Variants in CACNA1A observed in about 807,000 individuals in gnomAD.
CACNA1A encodes the protein calcium voltage-gated channel subunit alpha1 A, also known as voltage-dependent P/Q-type calcium channel subunit alpha-1A.
CACNA1A carries 57 observed loss-of-function variants against 262.4 expected under a neutral mutation model. That is an observed-to-expected ratio of 0.22 (90% CI 0.18 to 0.27). The LOEUF (loss-of-function observed/expected upper bound fraction) is 0.27. Among genes scored for constraint, CACNA1A ranks in the 10% least tolerant of loss-of-function variants. CACNA1A has a pLI of 1.00. For synonymous variants in CACNA1A, 1,431 were observed against 1,419.3 expected (o/e 1.01, Z -0.18); for missense variants, 2,526 against 3,562.8 (o/e 0.71, Z 7.41).
intron 8 of CACNA1A, 61 bp from the exon 9 acceptor site, chr19:13,332,986 C>T (rs1051477561): frequency 2.2e-6 from 3 of 1,362,940 alleles, no homozygotes; most frequent in Middle Eastern, 1.8e-4. Flanking sequence ...TCCCTTGGAC[C>T]AGGAAGAAGG....
At chr19:13,412,447 TTATAA>T (rs1458390489) in intron 3 of CACNA1A, among the ~76,000 whole-genome samples, 2 of 151,914 alleles carry the variant, frequency 1.3e-5, no homozygotes, top group African/African-American at 4.8e-5. Flanking sequence ...TGGGAACTCT[TTATAA>T]TATATTTATA....
chr19:13,496,290 C>T lies in CACNA1A; in HGVS notation c.293+9642G>A, dbSNP rs551583437. Among the ~76,000 whole-genome samples the T allele has an allele frequency of 7.6e-4, 116 of 152,314 alleles. 1 individual carries two copies. The highest frequency in any genetic ancestry group is 1.9e-3 in the South Asian group (9 of 4,818). The stretch of plus-strand genomic sequence containing the variant: ...CATTCCAATTTGTGTAAGACCCAAA[C>T]ACTCCATGTCCTTGTAAGGCCCTCA... On this transcript the variant is annotated intron_variant, in intron 1 of 46. Transcript: ENST00000360228.
Position 13,498,857 on chromosome 19 carries a change from G to A in CACNA1A, c.293+7075C>T, listed in dbSNP as rs144350819. On this transcript the variant is annotated intron_variant, in intron 1 of 46. Transcript: ENST00000360228. ...GTGACCAGCGTCCCAGTTTGCCCAGGACTGTGAGTTTCCAGAGATGCTAAA... is the reference window on the plus strand; with the variant it reads ...GTGACCAGCGTCCCAGTTTGCCCAGAACTGTGAGTTTCCAGAGATGCTAAA... 7.9e-3 allele frequency among the ~76,000 whole-genome samples: 1,196 copies of A among 152,200 alleles called. 9 individuals carry two copies. The highest frequency in any genetic ancestry group is 0.024 in the Middle Eastern group (7 of 294).
intron 29 of CACNA1A, 59 bp from the exon 30 acceptor site, chr19:13,253,160 G>A (rs200729286): frequency 7.2e-5 from 78 of 1,085,554 alleles, no homozygotes; most frequent in Non-Finnish European, 1.0e-4. Flanking sequence ...AGTGGGAAGT[G>A]GGGAGGCAGC....
chr19:13,432,563 G>A (rs916428163), intron 3 of CACNA1A, among the ~76,000 whole-genome samples: 2 of 152,052 alleles, frequency 1.3e-5, no homozygotes, highest in African/African-American at 4.8e-5. Context: ...AGGATACAAA[G>A]TTTCAGTCAG....
At chr19:13,474,673 C>T (rs912406595) in intron 1 of CACNA1A, among the ~76,000 whole-genome samples, 9 of 152,000 alleles carry the variant, frequency 5.9e-5, no homozygotes, top group South Asian at 2.1e-4. Flanking sequence ...AAAAATTAGC[C>T]GGGAGTGGTG....
intron 30 of CACNA1A, chr19:13,252,407 T>TG (rs2056425180): frequency 6.6e-6 from 1 of 151,854 alleles, no homozygotes; most frequent in East Asian, 1.9e-4. Context: ...TTCTTTTTTT[T>TG]GAGACAGAGT....
At chr19:13,386,465 C>T (rs777263148) in intron 3 of CACNA1A, among the ~76,000 whole-genome samples, 1 of 152,026 alleles carries the variant, frequency 6.6e-6, no homozygotes, top group Admixed American at 6.6e-5. Flanking sequence ...TGTCTGTCTA[C>T]GTGGATGGCT....
intron 3 of CACNA1A, among the ~76,000 whole-genome samples, chr19:13,443,325 G>A (rs962329657): frequency 6.6e-6 from 1 of 151,620 alleles, no homozygotes; most frequent in East Asian, 1.9e-4. Flanking sequence ...ATTTAACCTT[G>A]AGAGTTGAAA....
At chr19:13,494,805 T>C (rs573750999) in intron 1 of CACNA1A, among the ~76,000 whole-genome samples, 1 of 152,148 alleles carries the variant, frequency 6.6e-6, no homozygotes, top group East Asian at 1.9e-4. Context: ...CCATCAGATC[T>C]CATGAGAACT....
At chr19:13,449,410 G>A (rs149994898) in intron 3 of CACNA1A, among the ~76,000 whole-genome samples, 78 of 151,948 alleles carry the variant, frequency 5.1e-4, no homozygotes, top group African/African-American at 1.8e-3. Context: ...TGATCCTCCC[G>A]CCTTGGCCTC....
At chr19:13,334,713 T>G (rs955614292) in intron 7 of CACNA1A, among the ~76,000 whole-genome samples, 1 of 151,880 alleles carries the variant, frequency 6.6e-6, no homozygotes, top group African/African-American at 2.4e-5. Flanking sequence ...TTCTGCCAGC[T>G]TCACACATTT....
chr19:13,504,965 T>C (rs1568718409), intron 1 of CACNA1A, among the ~76,000 whole-genome samples: 1 of 146,738 alleles, frequency 6.8e-6, no homozygotes, highest in Non-Finnish European at 1.5e-5. Flanking sequence ...GATCTTTGAT[T>C]AAAAAAAAAA....
At chr19:13,394,407 T>C (rs2059774680) in intron 3 of CACNA1A, among the ~76,000 whole-genome samples, 1 of 152,112 alleles carries the variant, frequency 6.6e-6, no homozygotes, top group South Asian at 2.1e-4. Flanking sequence ...CGCCATACAA[T>C]TGCCTGCTAA....
chr19:13,329,216 G>C (rs944853376), intron 10 of CACNA1A, among the ~76,000 whole-genome samples: 3 of 152,092 alleles, frequency 2.0e-5, no homozygotes, highest in African/African-American at 7.2e-5. Context: ...GGCCCTTGTG[G>C]TGGCAAAGGT....
chr19:13,354,749 C>T (rs535438748), intron 6 of CACNA1A, among the ~76,000 whole-genome samples: 7 of 151,946 alleles, frequency 4.6e-5, no homozygotes, highest in African/African-American at 1.2e-4. Flanking sequence ...TAATTGCAGA[C>T]GTAATTAGTT....
intron 6 of CACNA1A, among the ~76,000 whole-genome samples, chr19:13,340,424 ATTTTTTTTTTT>A (rs34472942): frequency 2.7e-5 from 3 of 111,970 alleles, no homozygotes; most frequent in Non-Finnish European, 5.4e-5. Context: ...AGAGAGGTCT[ATTTTTTTTTTT>A]TTTTTTTTTG....
At chr19:13,498,384 C>A (rs759556959) in intron 1 of CACNA1A, among the ~76,000 whole-genome samples, 48 of 152,118 alleles carry the variant, frequency 3.2e-4, no homozygotes, top group Middle Eastern at 3.4e-3. Context: ...AAAATGAGAA[C>A]AGAACTTAAC....
At chr19:13,500,939 T>C (rs986108976) in intron 1 of CACNA1A, among the ~76,000 whole-genome samples, 1 of 152,156 alleles carries the variant, frequency 6.6e-6, no homozygotes, top group Non-Finnish European at 1.5e-5. Flanking sequence ...CAAAAGGCTA[T>C]ATACTGTGAA....
Sources: gnomAD v4.1 joint callset for allele counts (sites outside exome capture counted in the v4.1 genomes callset) on GRCh38, gnomAD v4.1.1 for gene constraint, MANE v1.5 for transcripts, NCBI Gene and HGNC (gene_info 2026-07-23, HGNC 2026-07-21) for gene names.